The following FAM118B variants were observed in gnomAD, a reference collection of about 807,000 sequenced individuals.
FAM118B encodes the protein SIR2 antiphage like 1, also known as protein FAM118B.
FAM118B carries 24 observed loss-of-function variants against 38.5 expected under a neutral mutation model. The observed-to-expected ratio is 0.62, with a 90% CI of 0.45 to 0.88. The LOEUF is 0.88. FAM118B is among the 40% of genes least tolerant of loss of function. FAM118B has a pLI of 0.00. For synonymous variants in FAM118B, 138 were observed against 156.3 expected (o/e 0.88, Z 0.87); for missense variants, 334 against 420.0 (o/e 0.80, Z 1.79).
chr11:126,237,438 A>T (rs929930376), intron 3 of FAM118B, among the ~76,000 whole-genome samples: 1 of 142,776 alleles, frequency 7.0e-6, no homozygotes, highest in Non-Finnish European at 1.5e-5. Flanking sequence ...GGTTTTCACC[A>T]TGTTGACCAG....
At position 126,262,729 on chromosome 11, in the gene FAM118B, T is replaced by C. The variant is rs1950727678; in HGVS notation, c.*596T>C. On this transcript the variant is annotated 3_prime_UTR_variant, in exon 9 of 9. Coordinates refer to ENST00000533050, the MANE Select transcript of FAM118B (RefSeq NM_024556.4). ...AAGGTACTAATAAGCTTAATTTTAA[T>C]AACCCAAAGTTTAAAGGTTCCGATC... is the stretch of plus-strand genomic sequence containing the variant. 1 of 152,512 alleles carries C rather than the reference T, an allele frequency of 6.6e-6. No homozygotes were observed. Among genetic ancestry groups the C allele is most frequent in the Non-Finnish European group, 1.5e-5 (1 of 68,064 alleles). The allele number at this position is 152,512 out of a possible 1,614,324, so 9.4% of individuals were successfully genotyped here.
In FAM118B at chr11:126,244,854, C is replaced by T. The variant is rs1022406723; in HGVS notation, c.339+3810C>T. On this transcript the variant is annotated intron_variant, in intron 4 of 8. Transcript: ENST00000533050. This position sits in a 1 kb window ranked among gnomAD's most constrained non-coding sequence, Gnocchi z 4.5. Reference sequence around the variant, plus strand: ...CTTATGCTTTGAAAACTACAAAACACTGAAAGAAATGAAAGAAGATCTAAA... The same window carrying T: ...CTTATGCTTTGAAAACTACAAAACATTGAAAGAAATGAAAGAAGATCTAAA... 3.3e-5 allele frequency among the ~76,000 whole-genome samples: 5 copies of T among 151,946 alleles called. No individual in the cohort carries two copies. Among genetic ancestry groups the T allele is most frequent in the Admixed American group, 3.3e-4 (5 of 15,262 alleles).
chr11:126,211,876 C>T (rs1355982087), intron 1 of FAM118B, 46 bp downstream of exon 1: 2 of 542,690 alleles, frequency 3.7e-6, no homozygotes, highest in Non-Finnish European at 6.5e-6. Context: ...ATGCCGGTGC[C>T]TCAACGGTTT....
chr11:126,240,780 T>C lies in FAM118B; in HGVS notation c.87-12T>C, dbSNP rs748468756. 1 of 1,595,468 alleles carries C rather than the reference T, an allele frequency of 6.3e-7. No individual in the cohort carries two copies. The highest frequency in any genetic ancestry group is 1.1e-5 in the South Asian group (1 of 89,050). On this transcript the variant is annotated splice_polypyrimidine_tract_variant and intron_variant, in intron 3 of 8. Transcript: ENST00000533050. Reference sequence around the variant, plus strand: ...GGATATTCCAATCCTCTCATTTGTTTTGCTTTTATAGGAAGCTGCTTCCAA... The same window carrying C: ...GGATATTCCAATCCTCTCATTTGTTCTGCTTTTATAGGAAGCTGCTTCCAA...
At position 126,250,843 on chromosome 11, in the gene FAM118B, A is replaced by C; in HGVS notation, c.567+110A>C. On this transcript the variant is annotated intron_variant, in intron 5 of 8. Transcript: ENST00000533050. This position sits in a 1 kb window ranked among gnomAD's most constrained non-coding sequence, Gnocchi z 5.1. ...ATTTATGTAGAGCTAGAAAGGAAAAATTTTTTCCCTGGTTGGAGTTTTTGT... is the reference window on the plus strand; with the variant it reads ...ATTTATGTAGAGCTAGAAAGGAAAACTTTTTTCCCTGGTTGGAGTTTTTGT... 1 of 795,536 alleles carries C rather than the reference A, an allele frequency of 1.3e-6. No homozygotes were observed. The highest frequency in any genetic ancestry group is 2.8e-5 in the East Asian group (1 of 35,644). 49.3% of individuals were successfully genotyped at this position (795,536 alleles called of 1,614,324 possible). A position where few individuals can be genotyped will look rare whatever the true frequency, so the allele number is the denominator to read the frequency against.
Position 126,255,895 on chromosome 11 carries a change from G to A in FAM118B, c.697-672G>A, listed in dbSNP as rs1206510749. ...TTGAACCTGGGAGGCAGAGGAGGTTGCAGTGAGCCAAGACCATGCCACTGC... is the reference window on the plus strand; with the variant it reads ...TTGAACCTGGGAGGCAGAGGAGGTTACAGTGAGCCAAGACCATGCCACTGC... On this transcript the variant is annotated intron_variant, in intron 6 of 8. Transcript: ENST00000533050. The surrounding 1 kb of genome is among the most constrained non-coding windows in gnomAD (Gnocchi z 4.6). Among the ~76,000 whole-genome samples the A allele has an allele frequency of 6.6e-6, 1 of 152,170 alleles. No individual in the cohort carries two copies. The highest frequency in any genetic ancestry group is 1.9e-4 in the East Asian group (1 of 5,188).
At chr11:126,260,312 T>G (rs1057208535) in intron 7 of FAM118B, 17 of 152,168 alleles carry the variant, frequency 1.1e-4, no homozygotes, top group African/African-American at 3.9e-4. Context: ...GGATTATAGG[T>G]GTGAGCCACA....
chr11:126,230,028 G>T (rs1267187799), intron 2 of FAM118B, among the ~76,000 whole-genome samples: 1 of 152,160 alleles, frequency 6.6e-6, no homozygotes, highest in Non-Finnish European at 1.5e-5. Flanking sequence ...GAGGGTCTCA[G>T]GCATGCTAAG....
intron 7 of FAM118B, among the ~76,000 whole-genome samples, chr11:126,258,923 C>A (rs1270321788): frequency 1.3e-5 from 2 of 152,116 alleles, no homozygotes; most frequent in African/African-American, 4.8e-5. Context: ...CTCTAAGGAA[C>A]CTTAACTGCT....
In FAM118B at chr11:126,253,774, A is replaced by G. The variant is rs1157010928; in HGVS notation, c.568-531A>G. 2.6e-5 allele frequency among the ~76,000 whole-genome samples: 4 copies of G among 152,220 alleles called. No individual in the cohort carries two copies. Among genetic ancestry groups the G allele is most frequent in the Admixed American group, 2.6e-4 (4 of 15,274 alleles). On this transcript the variant is annotated intron_variant, in intron 5 of 8. Coordinates refer to ENST00000533050, the MANE Select transcript of FAM118B (RefSeq NM_024556.4). This position sits in a 1 kb window ranked among gnomAD's most constrained non-coding sequence, Gnocchi z 5.1. ...CAGGCCATATATGTCCCAGCAGGCT[A>G]GCCCAGGCTTCTTCACTTTCTTCGC...
At position 126,250,458 on chromosome 11, in the gene FAM118B, C is replaced by G. The variant is rs1565337948; in HGVS notation, c.340-48C>G. 7.5e-7 allele frequency: 1 copy of G among 1,334,786 alleles called. No homozygotes were observed. The allele number at this position is 1,334,786 out of a possible 1,614,324, so 82.7% of individuals were successfully genotyped here. ...TACTGCTGTAACTAAAACAACTGACCTACCAAAGCACTTTGGACTAATTTT... is the reference window on the plus strand; with the variant it reads ...TACTGCTGTAACTAAAACAACTGACGTACCAAAGCACTTTGGACTAATTTT... On this transcript the variant is annotated intron_variant, in intron 4 of 8. Coordinates refer to ENST00000533050, the MANE Select transcript of FAM118B (RefSeq NM_024556.4). This position sits in a 1 kb window ranked among gnomAD's most constrained non-coding sequence, Gnocchi z 5.1.
intron 4 of FAM118B, among the ~76,000 whole-genome samples, chr11:126,247,278 C>A (rs1950430357): frequency 6.6e-6 from 1 of 152,086 alleles, no homozygotes; most frequent in African/African-American, 2.4e-5. Flanking sequence ...GTGACAGAGC[C>A]AGACTTTCTC....
chr11:126,226,525 G>A lies in FAM118B; in HGVS notation c.-76-2700G>A, dbSNP rs186034936. ...AGTTCCTATCACTGTGAGTTAGAAA[G>A]GCCCTTCAGCAATTTAACAGGCCTT... On this transcript the variant is annotated intron_variant, in intron 1 of 8. Transcript: ENST00000533050. Among the ~76,000 whole-genome samples, 422 of 152,348 alleles carry A rather than the reference G, an allele frequency of 2.8e-3. 4 individuals are homozygous for A. The highest frequency in any genetic ancestry group is 0.019 in the South Asian group (92 of 4,824).
Position 126,256,709 on chromosome 11 carries a change from G to C in FAM118B, c.839G>C (p.Arg280Thr). ...SDLEHFMLVR[R>T]GDVDEFKKLR... Reference sequence around the variant, plus strand: ...CTAGAACATTTCATGCTGGTTCGGAGAGGAGACGTAGATGAGTTCAAAAAG... The same window carrying C: ...CTAGAACATTTCATGCTGGTTCGGACAGGAGACGTAGATGAGTTCAAAAAG... Residue 280 changes from arginine to threonine, a missense_variant, in exon 7 of 9, where the codon AGA (arginine) becomes ACA (threonine). Around this residue, in one of 3 missense-constraint regions of FAM118B, gnomAD observed 88 missense variants for 98.1 expected, o/e 0.90. Transcript: ENST00000533050. This position sits in a 1 kb window ranked among gnomAD's most constrained non-coding sequence, Gnocchi z 6.6. 6.2e-7 allele frequency: 1 copy of C among 1,614,202 alleles called. No homozygotes were observed. The highest frequency in any genetic ancestry group is 8.5e-7 in the Non-Finnish European group (1 of 1,180,032).
intron 7 of FAM118B, among the ~76,000 whole-genome samples, chr11:126,259,426 T>C (rs1334827919): frequency 1.2e-5 from 1 of 82,842 alleles, no homozygotes; most frequent in Non-Finnish European, 2.5e-5. Context: ...GTTGTGGTAC[T>C]TTTTTTTTTT....
At chr11:126,248,983 C>T (rs1163134608) in intron 4 of FAM118B, among the ~76,000 whole-genome samples, 1 of 152,190 alleles carries the variant, frequency 6.6e-6, no homozygotes, top group Admixed American at 6.5e-5. Flanking sequence ...CAGTTTCCCA[C>T]CTGAAGTTGG....
intron 7 of FAM118B, among the ~76,000 whole-genome samples, chr11:126,257,232 C>A (rs1278136261): frequency 6.6e-6 from 1 of 152,122 alleles, no homozygotes; most frequent in Non-Finnish European, 1.5e-5. Flanking sequence ...GTTAGTACAA[C>A]TTTTATGACC....
chr11:126,252,943 G>A lies in FAM118B; in HGVS notation c.568-1362G>A, dbSNP rs1022119265. On this transcript the variant is annotated intron_variant, in intron 5 of 8. Transcript: ENST00000533050. The surrounding 1 kb of genome is among the most constrained non-coding windows in gnomAD (Gnocchi z 4.7). ...CCAGTTACTTGGGAGGCTGAGGCAG[G>A]AGAATCATTTGAACCCAGGAGGCAG... Among the ~76,000 whole-genome samples, 18 of 152,196 alleles carry A rather than the reference G, an allele frequency of 1.2e-4. No homozygotes were observed. The highest frequency in any genetic ancestry group is 4.3e-4 in the African/African-American group (18 of 41,440).
chr11:126,259,647 G>A (rs1170059602), intron 7 of FAM118B, among the ~76,000 whole-genome samples: 3 of 151,034 alleles, frequency 2.0e-5, no homozygotes, highest in African/African-American at 4.9e-5. Flanking sequence ...GGATGGTCTC[G>A]GTCTCCTGAC....
Sources: gnomAD v4.1 joint callset for allele counts (sites outside exome capture counted in the v4.1 genomes callset) on GRCh38, gnomAD v4.1.1 for gene constraint, gnomAD v4.1.1 regional missense constraint, Gnocchi (gnomAD v3.1) non-coding constraint, MANE v1.5 for transcripts, NCBI Gene and HGNC (gene_info 2026-07-23, HGNC 2026-07-21) for gene names.